DSCAML1: variants seen among roughly 807,000 people sequenced by gnomAD.
DSCAML1 encodes the protein cell adhesion molecule DSCAML1.
DSCAML1 carries 38 observed loss-of-function variants against 200.5 expected under a neutral mutation model. The ratio of observed to expected loss-of-function variants is 0.19; its 90% CI spans 0.15 to 0.25. The LOEUF is 0.25. DSCAML1 is among the 10% of genes least tolerant of loss of function. DSCAML1 has a pLI of 1.00. For missense variants in DSCAML1, 2,223 were observed against 2,858.8 expected, an observed-to-expected ratio of 0.78 and a Z score of 5.07; for synonymous variants, 1,215 against 1,165.0, an observed-to-expected ratio of 1.04 and a Z score of -0.87.
At chr11:117,636,466 C>T (rs565106200) in intron 3 of DSCAML1, among the ~76,000 whole-genome samples, 4 of 152,202 alleles carry the variant, frequency 2.6e-5, no homozygotes, top group Non-Finnish European at 5.9e-5. Context: ...CCTACACCTG[C>T]CCCTCCACTC....
intron 14 of DSCAML1, among the ~76,000 whole-genome samples, chr11:117,476,824 A>G (rs1264823898): frequency 6.6e-6 from 1 of 152,208 alleles, no homozygotes; most frequent in Non-Finnish European, 1.5e-5. Context: ...GATGAGCAAC[A>G]TGGCAGAAAT....
chr11:117,706,962 C>T (rs942069133), intron 3 of DSCAML1, among the ~76,000 whole-genome samples: 1 of 152,236 alleles, frequency 6.6e-6, no homozygotes, highest in African/African-American at 2.4e-5. Flanking sequence ...GGCCAGCGTT[C>T]TAGCTCTGAA....
intron 20 of DSCAML1, among the ~76,000 whole-genome samples, chr11:117,447,410 A>T (rs2048202167): frequency 1.3e-5 from 2 of 152,218 alleles, no homozygotes; most frequent in African/African-American, 4.8e-5. Context: ...GGTTTAATGA[A>T]ACACCTCAAA....
At chr11:117,615,244 GA>G (rs2051788157) in intron 3 of DSCAML1, among the ~76,000 whole-genome samples, 1 of 152,146 alleles carries the variant, frequency 6.6e-6, no homozygotes, top group Admixed American at 6.5e-5. Context: ...CAATAATGTT[GA>G]AAATAAAAGA....
intron 3 of DSCAML1, among the ~76,000 whole-genome samples, chr11:117,557,293 G>A (rs1041574232): frequency 3.9e-5 from 6 of 152,134 alleles, no homozygotes; most frequent in Admixed American, 1.3e-4. Flanking sequence ...CTTAATACCA[G>A]TCTGGGCTGC....
In DSCAML1 at chr11:117,504,013, T is replaced by C; in HGVS notation, c.2191A>G (p.Asn731Asp). The C allele has an allele frequency of 6.2e-7, 1 of 1,613,836 alleles. No homozygotes were observed. Among genetic ancestry groups the C allele is most frequent in the Non-Finnish European group, 8.5e-7 (1 of 1,179,904 alleles). Residue 731 changes from asparagine to aspartate, a missense_variant, in exon 11 of 33, where the codon AAC becomes GAC. Asn to Asp is a conservative substitution (Grantham distance 23, BLOSUM62 1). Coordinates refer to ENST00000651296, the MANE Select transcript of DSCAML1 (RefSeq NM_020693.4). The surrounding 1 kb of genome is among the most constrained non-coding windows in gnomAD (Gnocchi z 5.0). ...GGCACAGGGTGGTACTGCTGGGGGT[T>C]CCCGCTCCCTGGAAGGAGGCAGCTG... ...VMWKHAKGSG[N>D]PQQYHPVPLT...
intron 1 of DSCAML1, among the ~76,000 whole-genome samples, chr11:117,814,390 T>C (rs1477089270): frequency 6.6e-6 from 1 of 152,206 alleles, no homozygotes; most frequent in Non-Finnish European, 1.5e-5. Flanking sequence ...TTCCAAAGCC[T>C]GTGACCTTAG....
chr11:117,765,310 T>C (rs995083768), intron 3 of DSCAML1, among the ~76,000 whole-genome samples: 2 of 152,170 alleles, frequency 1.3e-5, no homozygotes, highest in Admixed American at 1.3e-4. Flanking sequence ...CACAGCAAGA[T>C]GCCAGGACCA....
Position 117,458,692 on chromosome 11 carries a change from G to A in DSCAML1, c.3568+62C>T, listed in dbSNP as rs999245539. On this transcript the variant is annotated intron_variant, in intron 19 of 32. Coordinates refer to ENST00000651296, the MANE Select transcript of DSCAML1 (RefSeq NM_020693.4). The stretch of plus-strand genomic sequence containing the variant: ...CTGCTCTCACCCTGCCTCCTGGGGT[G>A]GGGCTGGGGGTTAGCAGTGGGTGGC... 6 of 1,583,556 alleles carry A rather than the reference G, an allele frequency of 3.8e-6. No individual in the cohort carries two copies. In the African/African-American group the frequency reaches 6.7e-5, roughly 18 times the overall value.
At chr11:117,811,793 C>T (rs1451217056) in intron 1 of DSCAML1, among the ~76,000 whole-genome samples, 1 of 152,174 alleles carries the variant, frequency 6.6e-6, no homozygotes, top group East Asian at 1.9e-4. Flanking sequence ...ATCGCGGATG[C>T]CGAGCTTTAA....
chr11:117,733,677 C>T (rs1301951690), intron 3 of DSCAML1, among the ~76,000 whole-genome samples: 1 of 152,144 alleles, frequency 6.6e-6, no homozygotes. Context: ...CAGGGACCAA[C>T]TGCATGCATA....
chr11:117,567,165 C>T (rs990763749), intron 3 of DSCAML1, among the ~76,000 whole-genome samples: 1 of 152,232 alleles, frequency 6.6e-6, no homozygotes, highest in African/African-American at 2.4e-5. Context: ...CTGACTTCCA[C>T]AATGGTTGAA....
chr11:117,628,980 C>T (rs948651455), intron 3 of DSCAML1, among the ~76,000 whole-genome samples: 7 of 152,146 alleles, frequency 4.6e-5, no homozygotes, highest in African/African-American at 1.7e-4. Flanking sequence ...ATCCACCCAA[C>T]CTGGCCCAGA....
intron 8 of DSCAML1, among the ~76,000 whole-genome samples, chr11:117,508,254 C>A (rs1312461323): frequency 6.6e-6 from 1 of 152,178 alleles, no homozygotes; most frequent in Non-Finnish European, 1.5e-5. Flanking sequence ...GTGAAGCCCA[C>A]CTTCCTTCCA....
At chr11:117,540,704 TG>T (rs1591240959) in intron 3 of DSCAML1, among the ~76,000 whole-genome samples, 1 of 128,642 alleles carries the variant, frequency 7.8e-6, no homozygotes, top group Admixed American at 7.8e-5. Flanking sequence ...GATGAGGGGC[TG>T]GGGGGAGGGA....
chr11:117,816,781 A>G (rs1271583273), intron 1 of DSCAML1, among the ~76,000 whole-genome samples: 8 of 135,670 alleles, frequency 5.9e-5, no homozygotes, highest in Admixed American at 5.0e-4. Context: ...TGTACAAGAG[A>G]GAGAGTTCGG....
intron 1 of DSCAML1, among the ~76,000 whole-genome samples, chr11:117,787,903 T>C (rs753620224): frequency 5.9e-5 from 9 of 152,238 alleles, no homozygotes; most frequent in African/African-American, 9.6e-5. Flanking sequence ...AGATGTGTTA[T>C]GTGCCCTCAC....
chr11:117,438,443 C>T (rs918156531), intron 24 of DSCAML1, among the ~76,000 whole-genome samples: 2 of 152,102 alleles, frequency 1.3e-5, no homozygotes, highest in African/African-American at 4.8e-5. Flanking sequence ...GATCTAGACA[C>T]GGCCCCCTGA....
chr11:117,589,595 C>T (rs1441728764), intron 3 of DSCAML1, among the ~76,000 whole-genome samples: 2 of 152,124 alleles, frequency 1.3e-5, no homozygotes, highest in African/African-American at 2.4e-5. Context: ...TAATGATAAT[C>T]GATGCTTATT....
Sources: gnomAD v4.1 joint callset for allele counts (sites outside exome capture counted in the v4.1 genomes callset) on GRCh38, gnomAD v4.1.1 for gene constraint, Gnocchi (gnomAD v3.1) non-coding constraint, MANE v1.5 for transcripts, NCBI Gene and HGNC (gene_info 2026-07-23, HGNC 2026-07-21) for gene names.